SETD5: variants seen among roughly 807,000 people sequenced by gnomAD.
SETD5 encodes histone-lysine N-methyltransferase SETD5.
SETD5 carries 44 observed loss-of-function variants against 153.3 expected under a neutral mutation model. That is an observed-to-expected ratio of 0.29 (90% CI 0.23 to 0.37). SETD5 has a LOEUF of 0.37. Among genes scored for constraint, SETD5 ranks in the 10% least tolerant of loss-of-function variants. The pLI is 1.00. For missense variants in SETD5, 1,544 were observed against 1,768.0 expected (o/e 0.87, Z 2.27); for synonymous variants, 716 against 645.2 (o/e 1.11, Z -1.66).
intron 16 of SETD5, 41 bp downstream of exon 16, chr3:9,448,671 T>C (rs922519540): frequency 2.7e-6 from 4 of 1,455,972 alleles, no homozygotes; most frequent in Non-Finnish European, 3.6e-6. Flanking sequence ...TTTATGTGTG[T>C]GTGCTTTATT....
At chr3:9,411,533 G>A (rs2036570279) in intron 1 of SETD5, among the ~76,000 whole-genome samples, 1 of 152,218 alleles carries the variant, frequency 6.6e-6, no homozygotes, top group Non-Finnish European at 1.5e-5. Flanking sequence ...GATTAAGAAT[G>A]TGAGGATTCT....
chr3:9,410,804 C>CTTTT (rs5846632), intron 1 of SETD5, among the ~76,000 whole-genome samples: 7,992 of 151,730 alleles, frequency 0.053, 318 homozygotes, highest in Admixed American at 0.11. Context: ...TCTGTTCTTT[C>CTTTT]TTTTTTGGAA....
intron 7 of SETD5, among the ~76,000 whole-genome samples, chr3:9,437,259 T>C (rs2040681323): frequency 1.3e-5 from 2 of 152,162 alleles, no homozygotes; most frequent in Non-Finnish European, 2.9e-5. Flanking sequence ...CCTAGCACTG[T>C]GTGGGCTTTA....
chr3:9,466,305 A>T (rs78543676), intron 18 of SETD5, among the ~76,000 whole-genome samples: 1 of 151,428 alleles, frequency 6.6e-6, no homozygotes, highest in Non-Finnish European at 1.5e-5. Context: ...AAAAAAAAAA[A>T]AAAAGAAAAT....
intron 1 of SETD5, among the ~76,000 whole-genome samples, chr3:9,404,126 T>C (rs1054670018): frequency 3.3e-5 from 5 of 152,212 alleles, no homozygotes; most frequent in African/African-American, 9.6e-5. Context: ...ACCACCTATA[T>C]TGCAATGTTA....
chr3:9,429,789 CTTTT>C (rs1428310816), intron 3 of SETD5: 1 of 1,269,756 alleles, frequency 7.9e-7, no homozygotes, highest in Non-Finnish European at 1.0e-6. Flanking sequence ...CCCTCTTGTC[CTTTT>C]ACCTCCCTTG....
intron 16 of SETD5, 26 bp from the exon 17 acceptor site, chr3:9,453,713 A>G (rs2042894122): frequency 6.4e-7 from 1 of 1,562,812 alleles, no homozygotes; most frequent in Non-Finnish European, 8.6e-7. Context: ...AATTATTGAT[A>G]ATTCTCTGGT....
At position 9,445,133 on chromosome 3, in the gene SETD5, C is replaced by G; in HGVS notation, c.1273C>G (p.Leu425Val). ...GAATCCTAATGCTACAGAACTGCCACTCCTACCACCTCCTCCAAGCCTACC... is the reference window on the plus strand; with the variant it reads ...GAATCCTAATGCTACAGAACTGCCAGTCCTACCACCTCCTCCAAGCCTACC... ...KRNPNATELP[L>V]LPPPPSLPTI... is the part of the protein sequence containing the mutation. The change falls in exon 12 of 23, where the codon CTC becomes GTC. Residue 425 changes from leucine (L) to valine (V), a missense_variant. Coordinates refer to ENST00000402198, the MANE Select transcript of SETD5 (RefSeq NM_001080517.3). 3.1e-6 allele frequency: 5 copies of G among 1,614,012 alleles called. No homozygotes were observed. The highest frequency in any genetic ancestry group is 4.2e-6 in the Non-Finnish European group (5 of 1,179,894).
intron 1 of SETD5, among the ~76,000 whole-genome samples, chr3:9,400,617 A>G (rs934613269): frequency 2.3e-4 from 35 of 152,336 alleles, no homozygotes; most frequent in African/African-American, 8.4e-4. Flanking sequence ...TTAGTAATAA[A>G]CTTCTCCAGA....
At position 9,461,540 on chromosome 3, in the gene SETD5, G is replaced by T. The variant is rs149176641; in HGVS notation, c.2477-2885G>T. ...AAATAATAATAATAAAAGATGGATA[G>T]ATTTGACCACATAAAATTTGGAAAC... On this transcript the variant is annotated intron_variant, in intron 17 of 22. Transcript: ENST00000402198. 3.7e-4 allele frequency among the ~76,000 whole-genome samples: 56 copies of T among 152,202 alleles called. 2 individuals carry two copies. The East Asian group carries it at 9.6e-3, about 26-fold the overall frequency.
intron 1 of SETD5, among the ~76,000 whole-genome samples, chr3:9,403,204 A>G (rs1046629652): frequency 2.6e-5 from 4 of 152,190 alleles, no homozygotes; most frequent in Non-Finnish European, 5.9e-5. Context: ...TATTAACCCC[A>G]AATTTGATAC....
intron 1 of SETD5, among the ~76,000 whole-genome samples, chr3:9,404,454 C>T (rs145368511): frequency 6.6e-6 from 1 of 152,160 alleles, no homozygotes; most frequent in African/African-American, 2.4e-5. Flanking sequence ...AGTTTCTCAT[C>T]AGTAAAATAG....
intron 1 of SETD5, among the ~76,000 whole-genome samples, chr3:9,404,143 T>G (rs1412347629): frequency 6.6e-6 from 1 of 152,220 alleles, no homozygotes; most frequent in Non-Finnish European, 1.5e-5. Context: ...GTTACTAAAC[T>G]AGCCTTAAAG....
Position 9,445,760 on chromosome 3 carries a change from A to T in SETD5, c.1524+20A>T, listed in dbSNP as rs1283467010. Reference sequence around the variant, plus strand: ...AGGAGGGTGAGTACTGTCTGACATTACTTTGCTCCTTCTCATTCCTGCTAC... The same window carrying T: ...AGGAGGGTGAGTACTGTCTGACATTTCTTTGCTCCTTCTCATTCCTGCTAC... On this transcript the variant is annotated intron_variant, in intron 13 of 22. Coordinates refer to ENST00000402198, the MANE Select transcript of SETD5 (RefSeq NM_001080517.3). 4.5e-6 allele frequency: 7 copies of T among 1,566,482 alleles called. No homozygotes were observed. The East Asian group carries it at 1.6e-4, about 35-fold the overall frequency.
intron 8 of SETD5, among the ~76,000 whole-genome samples, chr3:9,441,352 ATT>A (rs375612987): frequency 2.2e-4 from 31 of 138,136 alleles, no homozygotes; most frequent in African/African-American, 7.1e-4. Context: ...TTAATCATGT[ATT>A]TTTTTTTTTT....
rs1392611645 is a variant in SETD5, at chr3:9,476,215, C to A, written c.*124C>A. ...GGTACAAGGTGCCAGAGGATTGGGT[C>A]TGGTGGACAAGAAACAAGACTTGTG... On this transcript the variant is annotated 3_prime_UTR_variant, in exon 23 of 23. Coordinates refer to ENST00000402198, the MANE Select transcript of SETD5 (RefSeq NM_001080517.3). The A allele has an allele frequency of 7.6e-7, 1 of 1,323,696 alleles. No homozygotes were observed. Among genetic ancestry groups the A allele is most frequent in the Non-Finnish European group, 1.0e-6 (1 of 990,794 alleles). The allele number at this position is 1,323,696 out of a possible 1,614,324, so 82.0% of individuals were successfully genotyped here.
chr3:9,466,345 G>A lies in SETD5; in HGVS notation c.2724+1673G>A, dbSNP rs933769812. 3.3e-5 allele frequency among the ~76,000 whole-genome samples: 5 copies of A among 151,462 alleles called. No homozygotes were observed. The South Asian group carries it at 8.4e-4, about 25-fold the overall frequency. The stretch of plus-strand genomic sequence containing the variant: ...AGGTAAGTCACTTTGCAAAACAAGC[G>A]GGTTCAGTACTCAGTGTGTTCCTTA... On this transcript the variant is annotated intron_variant, in intron 18 of 22. Coordinates refer to ENST00000402198, the MANE Select transcript of SETD5 (RefSeq NM_001080517.3).
intron 1 of SETD5, among the ~76,000 whole-genome samples, chr3:9,413,216 G>A (rs75524143): frequency 6.6e-6 from 1 of 152,036 alleles, no homozygotes; most frequent in South Asian, 2.1e-4. Flanking sequence ...AAATAGAGTA[G>A]CCTACATATA....
chr3:9,475,214 T>C, intron 22 of SETD5, 58 bp downstream of exon 22: 1 of 1,468,026 alleles, frequency 6.8e-7, no homozygotes, highest in South Asian at 1.2e-5. Flanking sequence ...TCCCAAATTG[T>C]CCTGGTCATC....
Sources: allele counts gnomAD v4.1 joint callset (sites outside exome capture counted in the v4.1 genomes callset), GRCh38; gene constraint gnomAD v4.1.1; transcripts MANE v1.5; gene names NCBI Gene and HGNC (gene_info 2026-07-23, HGNC 2026-07-21).